Variants in METTL4 observed in about 807,000 individuals in gnomAD.
METTL4 encodes the protein methyltransferase 4, N6-adenosine.
Under a neutral mutation model 54.0 loss-of-function variants are expected in METTL4, and 40 were observed. The ratio of observed to expected loss-of-function variants is 0.74; its 90% CI spans 0.58 to 0.96. METTL4 has a LOEUF of 0.96. METTL4 is among the 50% of genes least tolerant of loss of function. The probability of loss-of-function intolerance (pLI) is 0.00; values close to 1 mark genes in which losing one functional copy is unlikely to be tolerated. For synonymous variants in METTL4, 169 were observed against 183.8 expected (o/e 0.92, Z 0.65); for missense variants, 525 against 549.0 (o/e 0.96, Z 0.44).
intron 3 of METTL4, among the ~76,000 whole-genome samples, chr18:2,563,494 G>A (rs1251047883): frequency 6.7e-6 from 1 of 148,816 alleles, no homozygotes; most frequent in East Asian, 2.0e-4. Flanking sequence ...CTCAGAGGAG[G>A]CCAAGGCATG....
At chr18:2,562,020 T>C (rs922640381) in intron 3 of METTL4, 11 of 152,100 alleles carry the variant, frequency 7.2e-5, no homozygotes, top group Admixed American at 2.0e-4. Context: ...CCAATGTGTT[T>C]ACGAAAACCA....
At chr18:2,546,548 A>C (rs1462024433) in intron 6 of METTL4, among the ~76,000 whole-genome samples, 1 of 152,136 alleles carries the variant, frequency 6.6e-6, no homozygotes, top group Non-Finnish European at 1.5e-5. Flanking sequence ...AAGTATACAC[A>C]AAGCCATAAA....
intron 3 of METTL4, among the ~76,000 whole-genome samples, chr18:2,558,596 AAAG>A (rs1001337681): frequency 3.1e-4 from 47 of 151,880 alleles, no homozygotes; most frequent in African/African-American, 1.1e-3. Context: ...AAAGTTAGAA[AAAG>A]AAGAGCAAAG....
chr18:2,547,158 C>T (rs2072081444), intron 6 of METTL4, among the ~76,000 whole-genome samples, 197 bp downstream of exon 6: 1 of 151,872 alleles, frequency 6.6e-6, no homozygotes, highest in African/African-American at 2.4e-5. Flanking sequence ...AGTTTGAGGC[C>T]CCATTACAAA....
At chr18:2,550,955 G>A (rs943354790) in intron 5 of METTL4, among the ~76,000 whole-genome samples, 4 of 151,706 alleles carry the variant, frequency 2.6e-5, no homozygotes, top group Admixed American at 2.0e-4. Context: ...ACGAGGTCAG[G>A]AGATCGAGAC....
chr18:2,539,399 T>C lies in METTL4; in HGVS notation c.1274-254A>G, dbSNP rs561614578. Reference sequence around the variant, plus strand: ...ACTGGTTTCATTTGTAGATGAGAAATGAGGACTTTAACACCTACTAGGTGA... The same window carrying C: ...ACTGGTTTCATTTGTAGATGAGAAACGAGGACTTTAACACCTACTAGGTGA... On this transcript the variant is annotated intron_variant, in intron 8 of 8. Coordinates refer to ENST00000574538, the MANE Select transcript of METTL4 (RefSeq NM_022840.5). Among the ~76,000 whole-genome samples, 21 of 152,220 alleles carry C rather than the reference T, an allele frequency of 1.4e-4. No homozygotes were observed. In the South Asian group the frequency reaches 1.7e-3, roughly 12 times the overall value.
intron 3 of METTL4, among the ~76,000 whole-genome samples, chr18:2,562,768 G>T (rs1360884874): frequency 6.6e-6 from 1 of 152,022 alleles, no homozygotes; most frequent in Non-Finnish European, 1.5e-5. Context: ...GCAGCTGGGG[G>T]ACGGGGGGAT....
intron 5 of METTL4, among the ~76,000 whole-genome samples, chr18:2,549,512 T>C (rs990397133): frequency 2.0e-5 from 3 of 151,738 alleles, no homozygotes; most frequent in Non-Finnish European, 2.9e-5. Flanking sequence ...AGGACTTGTA[T>C]GCAAATCCTA....
chr18:2,546,865 G>C (rs569838439), intron 6 of METTL4, among the ~76,000 whole-genome samples: 1 of 152,220 alleles, frequency 6.6e-6, no homozygotes, highest in East Asian at 1.9e-4. Flanking sequence ...TTAAGATTTA[G>C]AGCATAAAAG....
At chr18:2,547,244 G>T in intron 6 of METTL4, 111 bp downstream of exon 6, 1 of 761,562 alleles carries the variant, frequency 1.3e-6, no homozygotes, top group Non-Finnish European at 1.9e-6. Flanking sequence ...GTCTGAATTA[G>T]CCCATGTTGA....
At chr18:2,543,133 T>C (rs570935328) in intron 8 of METTL4, among the ~76,000 whole-genome samples, 1 of 137,194 alleles carries the variant, frequency 7.3e-6, no homozygotes, top group South Asian at 2.3e-4. Flanking sequence ...AAAAAAAAAA[T>C]TAAAAAAGGA....
At chr18:2,540,373 T>C in intron 8 of METTL4, 2 of 980,508 alleles carry the variant, frequency 2.0e-6, no homozygotes, top group Non-Finnish European at 2.4e-6. Context: ...GGAAGAAATC[T>C]ATCAAATTTA....
At chr18:2,552,984 A>C (rs1007842042) in intron 4 of METTL4, 1 of 470,688 alleles carries the variant, frequency 2.1e-6, no homozygotes, top group African/African-American at 2.0e-5. Flanking sequence ...TACCTATTGC[A>C]ATTGTTGCAG....
chr18:2,558,610 T>A (rs2072271417), intron 3 of METTL4, among the ~76,000 whole-genome samples: 1 of 148,342 alleles, frequency 6.7e-6, no homozygotes, highest in African/African-American at 2.5e-5. Flanking sequence ...AAGAGCAAAG[T>A]AAACCAAAAG....
chr18:2,544,880 C>A, intron 6 of METTL4, 121 bp from the exon 7 acceptor site: 1 of 524,616 alleles, frequency 1.9e-6, no homozygotes. Context: ...CTATGTGAGC[C>A]ACATTTATCA....
chr18:2,544,185 A>G lies in METTL4; in HGVS notation c.1273+10T>C. 5 of 1,584,124 alleles carry G rather than the reference A, an allele frequency of 3.2e-6. No homozygotes were observed. Among genetic ancestry groups the G allele is most frequent in the Non-Finnish European group, 4.3e-6 (5 of 1,165,828 alleles). On this transcript the variant is annotated intron_variant, in intron 8 of 8. Transcript: ENST00000574538. ...AAAAGTGATAACAATTCTATTTTAT[A>G]AAAACATACCAGCAAGCGGTGGCTT...
intron 5 of METTL4, among the ~76,000 whole-genome samples, chr18:2,548,961 C>CTTTTTTAT (rs2143504678): frequency 6.6e-6 from 1 of 152,304 alleles, no homozygotes; most frequent in South Asian, 2.1e-4. Flanking sequence ...TTTATAAAAT[C>CTTTTTTAT]CATTATCAGG....
chr18:2,554,998 TG>T lies in METTL4; in HGVS notation c.499del (p.Gln167ArgfsTer45). On this transcript the variant is annotated frameshift_variant, in exon 4 of 9. Transcript: ENST00000574538. LOFTEE classifies it high-confidence loss of function. ...LILDGSLQLI[Q>X]EGLKSGFLYP... ...AAGAAAACCACTTTTGAGACCTTCC[TG>T]GATCAACTGTAAAGATCCATCCAAA... 6.2e-7 allele frequency: 1 copy of T among 1,614,058 alleles called. No homozygotes were observed. The highest frequency in any genetic ancestry group is 8.5e-7 in the Non-Finnish European group (1 of 1,179,926).
intron 6 of METTL4, 61 bp downstream of exon 6, chr18:2,547,294 T>C (rs558351898): frequency 1.5e-6 from 2 of 1,374,916 alleles, no homozygotes; most frequent in South Asian, 3.3e-5. Context: ...ACAAAGTAGA[T>C]GCTACCTTTA....
Sources: gnomAD v4.1 joint callset for allele counts (sites outside exome capture counted in the v4.1 genomes callset) on GRCh38, gnomAD v4.1.1 for gene constraint, MANE v1.5 for transcripts, NCBI Gene and HGNC (gene_info 2026-07-23, HGNC 2026-07-21) for gene names.